The following POLN variants were observed in gnomAD, a reference collection of about 807,000 sequenced individuals.
POLN encodes the protein DNA polymerase nu.
Under a neutral mutation model 113.5 loss-of-function variants are expected in POLN, and 108 were observed. That is an observed-to-expected ratio of 0.95 (90% CI 0.81 to 1.12). The LOEUF (loss-of-function observed/expected upper bound fraction) is 1.12, where lower values mean the gene tolerates loss of function less well. Ranked by LOEUF, POLN falls within the 50% of genes most tolerant of loss-of-function variation. POLN has a pLI of 0.00. For missense variants in POLN, 1,097 were observed against 1,077.1 expected (o/e 1.02, Z -0.26); for synonymous variants, 386 against 391.5 (o/e 0.99, Z 0.17).
Position 2,198,554 on chromosome 4 carries a change from TG to T in POLN, c.877del (p.Gln293LysfsTer18). The T allele has an allele frequency of 6.2e-7, 1 of 1,612,180 alleles. No individual in the cohort carries two copies. Among genetic ancestry groups the T allele is most frequent in the Non-Finnish European group, 8.5e-7 (1 of 1,179,126 alleles). ...IQIEHSAIWD[Q>X]EQEAHQQFAR... Reference sequence around the variant, plus strand: ...AAATTGTTGATGTGCCTCCTGTTCTTGGTCCCAGATAGCAGAGTGCTCTATT... The same window carrying T: ...AAATTGTTGATGTGCCTCCTGTTCTTGTCCCAGATAGCAGAGTGCTCTATT... On this transcript the variant is annotated frameshift_variant, in exon 6 of 26. Transcript: ENST00000511885. LOFTEE classifies it high-confidence loss of function.
At chr4:2,189,796 C>T (rs1431197789) in intron 7 of POLN, among the ~76,000 whole-genome samples, 2 of 148,752 alleles carry the variant, frequency 1.3e-5, no homozygotes, top group Non-Finnish European at 3.0e-5. Flanking sequence ...TTTAGGAGAC[C>T]AAGGCGGGTG....
chr4:2,113,611 A>T (rs1467328517), intron 19 of POLN, among the ~76,000 whole-genome samples: 1 of 150,852 alleles, frequency 6.6e-6, no homozygotes, highest in East Asian at 1.9e-4. Flanking sequence ...TAATCCCAGC[A>T]CTTTGGGAGG....
At chr4:2,168,283 G>GGA (rs1168150023) in intron 13 of POLN, among the ~76,000 whole-genome samples, 3 of 152,190 alleles carry the variant, frequency 2.0e-5, no homozygotes, top group Non-Finnish European at 4.4e-5. Flanking sequence ...AAAAGGGCAG[G>GGA]GAGGGGACAG....
In POLN at chr4:2,108,632, AT is replaced by A. The variant is rs776304956; in HGVS notation, c.1983-12700del. 8.5e-4 allele frequency among the ~76,000 whole-genome samples: 129 copies of A among 152,248 alleles called. 1 individual carries two copies. The highest frequency in any genetic ancestry group is 9.8e-4 in the Admixed American group (15 of 15,296). On this transcript the variant is annotated intron_variant, in intron 19 of 25. Transcript: ENST00000511885. Reference sequence around the variant, plus strand: ...ATCACATGTATTGACGCCCATTAAAATTGAAGAATACTTTTAGGGTAATTTT... The same window carrying A: ...ATCACATGTATTGACGCCCATTAAAATGAAGAATACTTTTAGGGTAATTTT...
chr4:2,167,178 C>T (rs1732750208), intron 13 of POLN, among the ~76,000 whole-genome samples: 1 of 152,184 alleles, frequency 6.6e-6, no homozygotes, highest in African/African-American at 2.4e-5. Context: ...TCAGTGCACA[C>T]ACATGACCTG....
chr4:2,206,738 T>C (rs1733854986), intron 5 of POLN, among the ~76,000 whole-genome samples: 1 of 152,016 alleles, frequency 6.6e-6, no homozygotes, highest in Non-Finnish European at 1.5e-5. Flanking sequence ...AATCAAAAAG[T>C]CAAAAAATAA....
At chr4:2,231,853 A>T in intron 2 of POLN, 1 of 670,950 alleles carries the variant, frequency 1.5e-6, no homozygotes, top group Non-Finnish European at 2.6e-6. Flanking sequence ...TTAAAAATTT[A>T]GTAGTGTTTA....
intron 3 of POLN, among the ~76,000 whole-genome samples, chr4:2,218,458 A>C (rs1734167475): frequency 6.6e-6 from 1 of 151,724 alleles, no homozygotes; most frequent in Non-Finnish European, 1.5e-5. Flanking sequence ...AAAAAAAGGC[A>C]CTAATTTGTC....
chr4:2,229,131 A>G lies in POLN; in HGVS notation c.101T>C (p.Val34Ala), dbSNP rs112868163. Residue 34 changes from valine to alanine, a missense_variant, in exon 3 of 26, where the codon GTG (valine) becomes GCG (alanine). Coordinates refer to ENST00000511885, the MANE Select transcript of POLN (RefSeq NM_181808.4). The stretch of plus-strand genomic sequence containing the variant: ...ACTCTTTCCCCAAGTCTTAGAATCC[A>G]CTAAATCACCTGAATGCATAGCAGA... Reference protein sequence around the residue: ...IMSAMHSGDLVDSKTWGKSTE... With the variant: ...IMSAMHSGDLADSKTWGKSTE... 1.0e-4 allele frequency: 167 copies of G among 1,610,824 alleles called. 1 individual carries two copies. The African/African-American group carries it at 1.7e-3, about 17-fold the overall frequency.
chr4:2,123,624 C>CA (rs771462226), intron 19 of POLN, among the ~76,000 whole-genome samples: 1,027 of 54,100 alleles, frequency 0.019, 22 homozygotes, highest in East Asian at 0.13. Flanking sequence ...GACCCTGTCT[C>CA]AAAAAAAAAA....
At chr4:2,143,833 T>G (rs1732065497) in intron 16 of POLN, among the ~76,000 whole-genome samples, 1 of 152,130 alleles carries the variant, frequency 6.6e-6, no homozygotes, top group South Asian at 2.1e-4. Flanking sequence ...AACAGTTGAC[T>G]TGTGCACACT....
intron 21 of POLN, among the ~76,000 whole-genome samples, chr4:2,084,504 GTC>G (rs755310083): frequency 6.6e-6 from 1 of 152,220 alleles, no homozygotes; most frequent in Non-Finnish European, 1.5e-5. Context: ...AGCGGCTTGT[GTC>G]TCAGGCGCTG....
chr4:2,127,974 T>G lies in POLN; in HGVS notation c.1982+139A>C. On this transcript the variant is annotated intron_variant, in intron 19 of 25. Transcript: ENST00000511885. This position sits in a 1 kb window ranked among gnomAD's most constrained non-coding sequence, Gnocchi z 4.7. ...TCATGGCATCCTAGTTATCTACTCT[T>G]CTTTTCAAAATGATTAGCTATTAGC... 1.6e-6 allele frequency: 1 copy of G among 618,070 alleles called. No individual in the cohort carries two copies. The highest frequency in any genetic ancestry group is 2.8e-6 in the Non-Finnish European group (1 of 353,808). 38.3% of individuals were successfully genotyped at this position (618,070 alleles called of 1,614,324 possible). A position where few individuals can be genotyped will look rare whatever the true frequency, so the allele number is the denominator to read the frequency against.
At chr4:2,147,369 C>A (rs561672618) in intron 16 of POLN, among the ~76,000 whole-genome samples, 3 of 152,224 alleles carry the variant, frequency 2.0e-5, no homozygotes, top group South Asian at 2.1e-4. Context: ...CATGAGGAGG[C>A]CTTCGTAAAA....
intron 9 of POLN, among the ~76,000 whole-genome samples, chr4:2,175,662 T>C (rs561252416): frequency 6.6e-6 from 1 of 152,356 alleles, no homozygotes; most frequent in South Asian, 2.1e-4. Context: ...CTCCAACTCT[T>C]GCCCTCATGT....
chr4:2,197,292 A>G (rs1271344846), intron 6 of POLN, among the ~76,000 whole-genome samples: 6 of 152,214 alleles, frequency 3.9e-5, no homozygotes, highest in Non-Finnish European at 8.8e-5. Flanking sequence ...GTAGGAGGTA[A>G]CAACTTGTGC....
intron 21 of POLN, 96 bp downstream of exon 21, chr4:2,085,517 C>T (rs1391160889): frequency 2.3e-5 from 36 of 1,538,330 alleles, no homozygotes; most frequent in African/African-American, 2.0e-4. Flanking sequence ...AACCTCAGGA[C>T]CCAGGGCCCG....
chr4:2,167,873 T>G (rs1732767232), intron 13 of POLN, among the ~76,000 whole-genome samples: 1 of 152,166 alleles, frequency 6.6e-6, no homozygotes, highest in South Asian at 2.1e-4. Context: ...CACTCCAGCC[T>G]GGGTGACAAG....
At chr4:2,078,137 C>T (rs1179476588) in intron 23 of POLN, among the ~76,000 whole-genome samples, 1 of 152,208 alleles carries the variant, frequency 6.6e-6, no homozygotes, top group Non-Finnish European at 1.5e-5. Flanking sequence ...TGAGTGTGGG[C>T]GCATGGTGGC....
Sources: gnomAD v4.1 joint callset for allele counts (sites outside exome capture counted in the v4.1 genomes callset) on GRCh38, gnomAD v4.1.1 for gene constraint, Gnocchi (gnomAD v3.1) non-coding constraint, MANE v1.5 for transcripts, NCBI Gene and HGNC (gene_info 2026-07-23, HGNC 2026-07-21) for gene names.